Variants in ESRRA observed in about 807,000 individuals in gnomAD.
ESRRA encodes steroid hormone receptor ERR1.
In ESRRA, 7 loss-of-function variants were observed where a neutral mutation model predicts 35.6. That is an observed-to-expected ratio of 0.20 (90% confidence interval 0.11 to 0.37). The LOEUF (loss-of-function observed/expected upper bound fraction) is 0.37, where lower values mean the gene tolerates loss of function less well. Among genes scored for constraint, ESRRA ranks in the 10% least tolerant of loss-of-function variants. The probability of loss-of-function intolerance (pLI) is 1.00; values close to 1 mark genes in which losing one functional copy is unlikely to be tolerated. For missense variants in ESRRA, 378 were observed against 561.7 expected (o/e 0.67, Z 3.31); for synonymous variants, 223 against 246.9 (o/e 0.90, Z 0.91).
chr11:64,311,034 T>C (rs2035130508), intron 2 of ESRRA, among the ~76,000 whole-genome samples: 1 of 152,208 alleles, frequency 6.6e-6, no homozygotes, highest in Non-Finnish European at 1.5e-5. Flanking sequence ...ACTTGTATAT[T>C]GAGCACTTAG....
rs2035186758 is a variant in ESRRA, at chr11:64,313,855, C to A, written c.326-96C>A. 6 of 797,636 alleles carry A rather than the reference C, an allele frequency of 7.5e-6. No individual in the cohort carries two copies. The South Asian group carries it at 8.7e-5, about 12-fold the overall frequency. The allele number at this position is 797,636 out of a possible 1,614,324, so 49.4% of individuals were successfully genotyped here. A position where few individuals can be genotyped will look rare whatever the true frequency, so the allele number is the denominator to read the frequency against. On this transcript the variant is annotated intron_variant, in intron 2 of 6. Transcript: ENST00000000442. The surrounding 1 kb of genome is among the most constrained non-coding windows in gnomAD (Gnocchi z 4.0). ...TCCCTTTCCTCCCCATACCCCCAGA[C>A]CTGTGCTTGCCCGGGGAGAGTCAGG...
chr11:64,307,386 G>T lies in ESRRA; in HGVS notation c.207G>T (p.Leu69=). 6.2e-7 allele frequency: 1 copy of T among 1,601,654 alleles called. No homozygotes were observed. Among genetic ancestry groups the T allele is most frequent in the Non-Finnish European group, 8.5e-7 (1 of 1,172,082 alleles). ...CTGGCGAGCAGGGCGGTGGGAAGCTGGTGCTCAGCTCCCTGCCCAAGCGCC... is the reference window on the plus strand; with the variant it reads ...CTGGCGAGCAGGGCGGTGGGAAGCTTGTGCTCAGCTCCCTGCCCAAGCGCC... ...AGPGEQGGGK[L]VLSSLPKRLC... Residue 69 remains leucine, a synonymous_variant, in exon 2 of 7, where the codon CTG becomes CTT. Coordinates refer to ENST00000000442, the MANE Select transcript of ESRRA (RefSeq NM_004451.5).
intron 2 of ESRRA, among the ~76,000 whole-genome samples, chr11:64,312,671 T>C (rs552448636): frequency 1.3e-5 from 2 of 152,072 alleles, no homozygotes; most frequent in African/African-American, 2.4e-5. Context: ...ATAAACAAGA[T>C]AGGTGAGTGC....
rs2035193252 is a variant in ESRRA, at chr11:64,314,142, G to A, written c.442+75G>A. 1.7e-5 allele frequency: 26 copies of A among 1,552,802 alleles called. No individual in the cohort carries two copies. In the South Asian group the frequency reaches 2.5e-4, roughly 15 times the overall value. ...GGCCAGGTGGGGGTGAGGCCTGGGAGTTCTGGTGAGTGGACTCGGGGAGGA... is the reference window on the plus strand; with the variant it reads ...GGCCAGGTGGGGGTGAGGCCTGGGAATTCTGGTGAGTGGACTCGGGGAGGA... On this transcript the variant is annotated intron_variant, in intron 3 of 6. Coordinates refer to ENST00000000442, the MANE Select transcript of ESRRA (RefSeq NM_004451.5).
chr11:64,314,466 TTCAC>T, intron 4 of ESRRA, 99 bp downstream of exon 4: 4 of 1,345,038 alleles, frequency 3.0e-6, no homozygotes, highest in Non-Finnish European at 4.0e-6. Flanking sequence ...CCTTCGTCTC[TTCAC>T]TCACTCATTT....
chr11:64,315,895 G>C lies in ESRRA; in HGVS notation c.1201G>C (p.Gly401Arg), dbSNP rs769798629. 5 of 1,606,882 alleles carry C rather than the reference G, an allele frequency of 3.1e-6. No individual in the cohort carries two copies. In the South Asian group the frequency reaches 3.3e-5, roughly 11 times the overall value. The change falls in exon 7 of 7, where the codon GGG becomes CGG. Residue 401 changes from glycine (G) to arginine (R), a missense_variant. Gly to Arg is a moderately radical substitution (Grantham distance 125). Around this residue, in one of 4 missense-constraint regions of ESRRA, gnomAD observed 284 missense variants for 411.7 expected, o/e 0.69. Transcript: ENST00000000442. ...GGGCAAAGTGCTGGCCCATTTCTAT[G>C]GGGTGAAGCTGGAGGGCAAGGTGCC... ...TAGKVLAHFY[G>R]VKLEGKVPMH... is the part of the protein sequence containing the mutation.
At chr11:64,307,121 C>A (rs1236788344) in intron 1 of ESRRA, 47 bp from the exon 2 acceptor site, 4 of 1,451,604 alleles carry the variant, frequency 2.8e-6, no homozygotes, top group Admixed American at 2.2e-5. Context: ...TGTCTCCCAT[C>A]CCCCATACCA....
intron 4 of ESRRA, 103 bp from the exon 5 acceptor site, chr11:64,314,638 G>C (rs2035205401): frequency 2.5e-6 from 3 of 1,182,902 alleles, no homozygotes; most frequent in Non-Finnish European, 3.5e-6. Context: ...CTGGACAGCT[G>C]CTACTGAGGA....
intron 2 of ESRRA, among the ~76,000 whole-genome samples, chr11:64,309,174 C>T (rs1394393080): frequency 1.3e-5 from 2 of 151,882 alleles, no homozygotes; most frequent in African/African-American, 4.8e-5. Context: ...TGGCTCATGG[C>T]CTGTAATCCC....
chr11:64,313,531 A>T lies in ESRRA; in HGVS notation c.326-420A>T, dbSNP rs1229905352. On this transcript the variant is annotated intron_variant, in intron 2 of 6. Transcript: ENST00000000442. The surrounding 1 kb of genome is among the most constrained non-coding windows in gnomAD (Gnocchi z 4.0). ...TGCGGTGGGAGGAAAACCAGAGTGT[A>T]TGCTGTCCTAGAAGCAAAAGAAGAA... Among the ~76,000 whole-genome samples, 7 of 152,216 alleles carry T rather than the reference A, an allele frequency of 4.6e-5. No homozygotes were observed. The highest frequency in any genetic ancestry group is 4.4e-5 in the Non-Finnish European group (3 of 68,026).
chr11:64,314,900 A>G lies in ESRRA; in HGVS notation c.731A>G (p.Lys244Arg). ...REIVVTISWA[K>R]SIPGFSSLSL... The stretch of plus-strand genomic sequence containing the variant: ...ATTGTGGTCACCATCAGCTGGGCCA[A>G]GAGCATCCCAGGTAAAGGGCCCAGG... The change falls in exon 5 of 7, where the codon AAG becomes AGG. Residue 244 changes from lysine (K) to arginine (R), a missense_variant. Physicochemically the swap from Lys to Arg is conservative, Grantham distance 26. Transcript: ENST00000000442. 1.9e-6 allele frequency: 3 copies of G among 1,612,266 alleles called. No homozygotes were observed. Among genetic ancestry groups the G allele is most frequent in the Non-Finnish European group, 2.5e-6 (3 of 1,179,932 alleles).
chr11:64,310,241 T>G (rs1481011297), intron 2 of ESRRA, among the ~76,000 whole-genome samples: 1 of 151,406 alleles, frequency 6.6e-6, no homozygotes, highest in Non-Finnish European at 1.5e-5. Context: ...CAGCACGTTT[T>G]TTTTTTTTTT....
At position 64,305,852 on chromosome 11, in the gene ESRRA, GC is replaced by G. The variant is rs376330846; in HGVS notation, c.-13+118del. The G allele has an allele frequency of 1.3e-3, 194 of 152,194 alleles. 1 individual carries two copies. The South Asian group carries it at 0.023, about 18-fold the overall frequency. 9.4% of individuals were successfully genotyped at this position (152,194 alleles called of 1,614,324 possible). On this transcript the variant is annotated intron_variant, in intron 1 of 6. Coordinates refer to ENST00000000442, the MANE Select transcript of ESRRA (RefSeq NM_004451.5). The surrounding 1 kb of genome is among the most constrained non-coding windows in gnomAD (Gnocchi z 5.8). ...GCTGCAGGCGGGGTCCGACTCTGGG[GC>G]CAGTCCGGGCCACGGTTGGGACCCA...
chr11:64,307,278 T>A lies in ESRRA; in HGVS notation c.99T>A (p.Pro33=), dbSNP rs1191007219. ...PKGSSETETE[P]PVALAPGPAP... is the part of the protein sequence containing the mutation. Reference sequence around the variant, plus strand: ...GTTCCTCGGAGACAGAGACCGAGCCTCCTGTGGCCCTGGCCCCTGGTCCAG... The same window carrying A: ...GTTCCTCGGAGACAGAGACCGAGCCACCTGTGGCCCTGGCCCCTGGTCCAG... The change falls in exon 2 of 7, where the codon CCT becomes CCA. Residue 33 remains proline (P), a synonymous_variant. Coordinates refer to ENST00000000442, the MANE Select transcript of ESRRA (RefSeq NM_004451.5). 1 of 1,613,438 alleles carries A rather than the reference T, an allele frequency of 6.2e-7. No individual in the cohort carries two copies. The highest frequency in any genetic ancestry group is 8.5e-7 in the Non-Finnish European group (1 of 1,179,850).
In ESRRA at chr11:64,307,454, G is replaced by A; in HGVS notation, c.275G>A (p.Gly92Asp). The A allele has an allele frequency of 6.5e-7, 1 of 1,539,564 alleles. No individual in the cohort carries two copies. Among genetic ancestry groups the A allele is most frequent in the Non-Finnish European group, 8.8e-7 (1 of 1,141,532 alleles). The change falls in exon 2 of 7, where the codon GGT becomes GAT. Residue 92 changes from glycine (G) to aspartate (D), a missense_variant. Coordinates refer to ENST00000000442, the MANE Select transcript of ESRRA (RefSeq NM_004451.5). ...GACGTGGCCTCCGGCTACCACTATG[G>A]TGTGGCATCCTGTGAGGCCTGCAAA... is the stretch of plus-strand genomic sequence containing the variant. ...CGDVASGYHY[G>D]VASCEACKAF...
At chr11:64,315,576 G>A in intron 6 of ESRRA, 131 bp from the exon 7 acceptor site, 2 of 1,292,004 alleles carry the variant, frequency 1.5e-6, no homozygotes, top group Non-Finnish European at 2.2e-6. Context: ...AATGAGTGGT[G>A]CCTCTCAGTC....
chr11:64,309,701 AGATGGGAG>A (rs1454552009), intron 2 of ESRRA, among the ~76,000 whole-genome samples: 1 of 151,686 alleles, frequency 6.6e-6, no homozygotes, highest in Non-Finnish European at 1.5e-5. Context: ...TCGGAGGCTA[AGATGGGAG>A]GATCACAAGG....
At chr11:64,306,911 C>T (rs1379665038) in intron 1 of ESRRA, 14 of 363,928 alleles carry the variant, frequency 3.8e-5, no homozygotes, top group African/African-American at 2.7e-4. Flanking sequence ...GGAGTAGGGG[C>T]TTTCTAAGCC....
In ESRRA at chr11:64,313,782, C is replaced by A; in HGVS notation, c.326-169C>A. The A allele has an allele frequency of 1.8e-6, 1 of 564,530 alleles. No individual in the cohort carries two copies. Among genetic ancestry groups the A allele is most frequent in the Admixed American group, 3.1e-5 (1 of 31,876 alleles). 35.0% of individuals were successfully genotyped at this position (564,530 alleles called of 1,614,324 possible). On this transcript the variant is annotated intron_variant, in intron 2 of 6. Transcript: ENST00000000442. This position sits in a 1 kb window ranked among gnomAD's most constrained non-coding sequence, Gnocchi z 4.0. ...TCCTCCCTCATCCAGGCAGGGCTCCCCCGCCCAGCAGCCACTCCCCTCCCT... is the reference window on the plus strand; with the variant it reads ...TCCTCCCTCATCCAGGCAGGGCTCCACCGCCCAGCAGCCACTCCCCTCCCT...
Sources: gnomAD v4.1 joint callset for allele counts (sites outside exome capture counted in the v4.1 genomes callset) on GRCh38, gnomAD v4.1.1 for gene constraint, gnomAD v4.1.1 regional missense constraint, Gnocchi (gnomAD v3.1) non-coding constraint, MANE v1.5 for transcripts, NCBI Gene and HGNC (gene_info 2026-07-23, HGNC 2026-07-21) for gene names.